NLRP14: variants seen among roughly 807,000 people sequenced by gnomAD.
The protein encoded by NLRP14 is NLR family pyrin domain containing 14.
Under a neutral mutation model 94.7 loss-of-function variants are expected in NLRP14, and 105 were observed. The observed-to-expected ratio is 1.11, with a 90% CI of 0.95 to 1.30. The LOEUF (loss-of-function observed/expected upper bound fraction) is 1.30. NLRP14 is among the 50% of genes most tolerant of loss of function. NLRP14 has a pLI of 0.00. For synonymous variants in NLRP14, 508 were observed against 459.9 expected, an observed-to-expected ratio of 1.10 and a Z score of -1.34; for missense variants, 1,362 against 1,254.1, an observed-to-expected ratio of 1.09 and a Z score of -1.30.
At chr11:7,077,338 T>A in the NLRP14 span, among the ~76,000 whole-genome samples, 2 of 152,206 alleles carry the variant, frequency 1.3e-5, no homozygotes, top group African/African-American at 4.8e-5. Flanking sequence ...ACGGCTAGCA[T>A]TCCTTCCTTT....
At chr11:7,055,942 T>C (rs188097895) in intron 6 of NLRP14, among the ~76,000 whole-genome samples, 41 of 152,158 alleles carry the variant, frequency 2.7e-4, no homozygotes, top group Admixed American at 6.6e-4. Context: ...AGGAACTAAA[T>C]ATAAGTGATA....
At chr11:7,088,284 A>G in the NLRP14 span, among the ~76,000 whole-genome samples, 4 of 152,330 alleles carry the variant, frequency 2.6e-5, no homozygotes, top group South Asian at 8.3e-4. Flanking sequence ...AAATTTACAA[A>G]CATACTTCTT....
intron 10 of NLRP14, among the ~76,000 whole-genome samples, chr11:7,064,234 A>G (rs1852672055): frequency 6.6e-6 from 1 of 152,146 alleles, no homozygotes; most frequent in Non-Finnish European, 1.5e-5. Flanking sequence ...TTGTATACAT[A>G]TGATAAGATT....
At position 7,046,077 on chromosome 11, in the gene NLRP14, A is replaced by C. The variant is rs953788666; in HGVS notation, c.1959-591A>C. ...TTATTGATAATATTCCTAATAATTA[A>C]ATTATAAAGTATTTAAAGTTTACAG... On this transcript the variant is annotated intron_variant, in intron 4 of 11. Transcript: ENST00000299481. 1.1e-4 allele frequency among the ~76,000 whole-genome samples: 17 copies of C among 152,220 alleles called. 1 individual carries two copies. The highest frequency in any genetic ancestry group is 1.5e-4 in the Non-Finnish European group (10 of 67,982).
the NLRP14 span, chr11:7,089,746 C>T: frequency 1.3e-6 from 2 of 1,554,286 alleles, no homozygotes; most frequent in South Asian, 1.2e-5. Context: ...TACCTGGGCC[C>T]GCGGGATGAG....
chr11:7,038,106 G>A (rs1241657782), intron 1 of NLRP14, among the ~76,000 whole-genome samples: 1 of 152,150 alleles, frequency 6.6e-6, no homozygotes, highest in African/African-American at 2.4e-5. Flanking sequence ...TGTTTTATAG[G>A]TTGAGATGTA....
At position 7,043,311 on chromosome 11, in the gene NLRP14, C is replaced by T; in HGVS notation, c.1285C>T (p.Gln429Ter). 6.2e-7 allele frequency: 1 copy of T among 1,614,152 alleles called. No individual in the cohort carries two copies. The highest frequency in any genetic ancestry group is 8.5e-7 in the Non-Finnish European group (1 of 1,180,002). ...CCAAGCCCAGCTGAGAAGACTGTGCCAAGTCGCTGCCAAAGGAATATGGAC... is the reference window on the plus strand; with the variant it reads ...CCAAGCCCAGCTGAGAAGACTGTGCTAAGTCGCTGCCAAAGGAATATGGAC... ...PNQAQLRRLCQVAAKGIWTMT... is the reference protein window; with the variant it reads ...PNQAQLRRLC The change falls in exon 4 of 12, where the codon CAA (glutamine) becomes TAA (stop). Residue 429 changes from glutamine to a stop codon, truncating the protein, a stop_gained. Coordinates refer to ENST00000299481, the MANE Select transcript of NLRP14 (RefSeq NM_176822.4). LOFTEE classifies it high-confidence loss of function.
Position 7,037,915 on chromosome 11 carries a change from C to T in NLRP14, c.-21-651C>T, listed in dbSNP as rs115928808. 4.1e-3 allele frequency among the ~76,000 whole-genome samples: 620 copies of T among 152,250 alleles called. 7 individuals carry two copies. Among genetic ancestry groups the T allele is most frequent in the African/African-American group, 0.014 (574 of 41,522 alleles). On this transcript the variant is annotated intron_variant, in intron 1 of 11. Coordinates refer to ENST00000299481, the MANE Select transcript of NLRP14 (RefSeq NM_176822.4). Reference sequence around the variant, plus strand: ...TTGATGCACTTTAACACTGAACTCACCCAGACTAACTGTGGTGTTGGGGAA... The same window carrying T: ...TTGATGCACTTTAACACTGAACTCATCCAGACTAACTGTGGTGTTGGGGAA...
chr11:7,023,722 G>A (rs552866093), intron 1 of NLRP14, among the ~76,000 whole-genome samples: 1 of 152,124 alleles, frequency 6.6e-6, no homozygotes, highest in South Asian at 2.1e-4. Context: ...AGCTTTACAG[G>A]AAGTACGGTG....
intron 5 of NLRP14, among the ~76,000 whole-genome samples, chr11:7,047,403 A>T (rs1477135799): frequency 6.6e-6 from 1 of 152,050 alleles, no homozygotes; most frequent in Non-Finnish European, 1.5e-5. Flanking sequence ...TCCTGGGCTC[A>T]AGCAATCCTG....
chr11:7,082,199 G>C, the NLRP14 span, among the ~76,000 whole-genome samples: 1 of 152,156 alleles, frequency 6.6e-6, no homozygotes, highest in Non-Finnish European at 1.5e-5. Context: ...AGGATCATCT[G>C]TCTGAGCAAC....
chr11:7,037,585 T>C (rs920650103), intron 1 of NLRP14, among the ~76,000 whole-genome samples: 1 of 152,132 alleles, frequency 6.6e-6, no homozygotes, highest in Non-Finnish European at 1.5e-5. Context: ...TGGGAGAGTA[T>C]GGATTAAGTG....
the NLRP14 span, among the ~76,000 whole-genome samples, chr11:7,081,492 T>C: frequency 6.6e-6 from 1 of 152,224 alleles, no homozygotes; most frequent in East Asian, 1.9e-4. Flanking sequence ...CTTTATGTGA[T>C]TGGATGCCAT....
At chr11:7,038,912 G>A in intron 2 of NLRP14, 37 bp downstream of exon 2, 1 of 1,603,060 alleles carries the variant, frequency 6.2e-7, no homozygotes, top group Non-Finnish European at 8.5e-7. Flanking sequence ...GGCTAGGCAG[G>A]AAGGAAGTGT....
At chr11:7,075,741 C>T (rs1852867540), downstream of NLRP14, among the ~76,000 whole-genome samples, 1 of 152,144 alleles carries the variant, frequency 6.6e-6, no homozygotes, top group African/African-American at 2.4e-5. Flanking sequence ...TCTGGGGCAA[C>T]CTGCAGAATT....
intron 1 of NLRP14, among the ~76,000 whole-genome samples, chr11:7,036,891 C>G (rs1485438919): frequency 1.3e-5 from 2 of 152,070 alleles, no homozygotes; most frequent in African/African-American, 2.4e-5. Flanking sequence ...ACTTAGGGGA[C>G]AGGGAGAAGT....
At chr11:7,089,253 A>T in the NLRP14 span, 1 of 1,612,116 alleles carries the variant, frequency 6.2e-7, no homozygotes, top group Non-Finnish European at 8.5e-7. Flanking sequence ...AGACCGAGAA[A>T]CCAACAAGTC....
At position 7,039,785 on chromosome 11, in the gene NLRP14, G is replaced by A. The variant is rs756605420; in HGVS notation, c.361G>A (p.Gly121Ser). The change falls in exon 3 of 12, where the codon GGT (glycine) becomes AGT (serine). Residue 121 changes from glycine (G) to serine (S), a missense_variant and splice_region_variant. By Grantham distance (56) the Gly-to-Ser change is moderately conservative (BLOSUM62 0). Transcript: ENST00000299481. ...ACAAGAAGATCAGGAGGCAGTGCTG[G>A]GTGAGTAGTTAGGCCTTTCATCAGA... ...ETQEDQEAVL[G>S]DGTEYRNRIK... 1.2e-6 allele frequency: 2 copies of A among 1,611,888 alleles called. No individual in the cohort carries two copies. The highest frequency in any genetic ancestry group is 1.7e-5 in the Admixed American group (1 of 60,022).
intron 6 of NLRP14, among the ~76,000 whole-genome samples, chr11:7,050,172 T>A (rs1852421245): frequency 6.6e-6 from 1 of 152,200 alleles, no homozygotes; most frequent in Non-Finnish European, 1.5e-5. Context: ...ATCTTTGAAC[T>A]CTCGTAGAAA....
Sources: allele counts gnomAD v4.1 joint callset (sites outside exome capture counted in the v4.1 genomes callset), GRCh38; gene constraint gnomAD v4.1.1; transcripts MANE v1.5; gene names NCBI Gene and HGNC (gene_info 2026-07-23, HGNC 2026-07-21).